MPP7: variants seen among roughly 807,000 people sequenced by gnomAD.
MPP7 encodes the protein MAGUK p55 subfamily member 7.
Under a neutral mutation model 76.5 loss-of-function variants are expected in MPP7, and 60 were observed. The observed-to-expected ratio is 0.78, with a 90% CI of 0.64 to 0.97. The LOEUF is 0.97. Ranked by LOEUF, MPP7 falls within the 50% of genes least tolerant of loss-of-function variation. MPP7 has a pLI of 0.00. For synonymous variants in MPP7, 237 were observed against 244.5 expected (o/e 0.97, Z 0.29); for missense variants, 641 against 694.0 (o/e 0.92, Z 0.86).
Position 28,167,725 on chromosome 10 carries a change from T to C in MPP7, c.157-17666A>G, listed in dbSNP as rs77779570. ...CTCAGATAAATTCTCATGAGAAGAA[T>C]TGCTGGGTCACAGGATATAAATATT... is the stretch of plus-strand genomic sequence containing the variant. On this transcript the variant is annotated intron_variant, in intron 3 of 16. Transcript: ENST00000683449. Among the ~76,000 whole-genome samples, 1,324 of 152,364 alleles carry C rather than the reference T, an allele frequency of 8.7e-3. 20 individuals are homozygous for C. The highest frequency in any genetic ancestry group is 0.054 in the East Asian group (279 of 5,190).
chr10:28,180,077 C>CA (rs1219011380), intron 3 of MPP7, among the ~76,000 whole-genome samples: 1 of 151,416 alleles, frequency 6.6e-6, no homozygotes, highest in Non-Finnish European at 1.5e-5. Flanking sequence ...TCAAGCCTTT[C>CA]AAAAAAAATA....
intron 3 of MPP7, among the ~76,000 whole-genome samples, chr10:28,195,140 A>C (rs1449762336): frequency 6.6e-6 from 1 of 152,238 alleles, no homozygotes; most frequent in Non-Finnish European, 1.5e-5. Context: ...ACATGAAAAG[A>C]TGGTTAACAT....
chr10:28,269,349 CT>C (rs1840247649), intron 1 of MPP7, among the ~76,000 whole-genome samples: 1 of 152,158 alleles, frequency 6.6e-6, no homozygotes, highest in South Asian at 2.1e-4. Context: ...CAATTCTCTT[CT>C]AATCTAGTCC....
intron 2 of MPP7, among the ~76,000 whole-genome samples, chr10:28,207,532 G>C (rs1837987881): frequency 6.6e-6 from 1 of 151,628 alleles, no homozygotes; most frequent in Non-Finnish European, 1.5e-5. Context: ...AAAAATTTAA[G>C]AAATTACCCG....
At chr10:28,283,697 T>C (rs1418094715) in intron 1 of MPP7, among the ~76,000 whole-genome samples, 1 of 151,988 alleles carries the variant, frequency 6.6e-6, no homozygotes, top group African/African-American at 2.4e-5. Context: ...GTATTTTTAG[T>C]AGAGACGAGG....
chr10:28,240,231 C>CA (rs1426785960), intron 1 of MPP7, among the ~76,000 whole-genome samples: 4 of 151,898 alleles, frequency 2.6e-5, no homozygotes, highest in South Asian at 4.2e-4. Context: ...TTAACAACAA[C>CA]AAAAAAACAT....
chr10:28,135,583 T>C (rs745618606), intron 5 of MPP7, among the ~76,000 whole-genome samples: 44 of 152,252 alleles, frequency 2.9e-4, no homozygotes, highest in Non-Finnish European at 5.0e-4. Flanking sequence ...AATTCTAAGG[T>C]TGAGAAACTG....
rs372271344 is a variant in MPP7 at position 28,077,941 on chromosome 10, A to G, written c.1124-8089T>C. Among the ~76,000 whole-genome samples the G allele has an allele frequency of 4.6e-5, 7 of 152,270 alleles. No individual in the cohort carries two copies. In the East Asian group the frequency reaches 9.7e-4, roughly 21 times the overall value. On this transcript the variant is annotated intron_variant, in intron 12 of 16. Coordinates refer to ENST00000683449, the MANE Select transcript of MPP7 (RefSeq NM_001318170.2). Reference sequence around the variant, plus strand: ...ACATGGTTCACATACACTGTTACTCATCCTCAGAACATCCCTGCAAGAAAG... The same window carrying G: ...ACATGGTTCACATACACTGTTACTCGTCCTCAGAACATCCCTGCAAGAAAG...
In MPP7 at chr10:28,303,019, C is replaced by A. The variant is rs1192509361; in HGVS notation, c.-290G>T. ...CCGCGGCGGGCGCAGAACGCACGAG[C>A]CCAGTGGGAGCCCGGCCCCCGCCTC... On this transcript the variant is annotated 5_prime_UTR_variant, in exon 1 of 17. Coordinates refer to ENST00000683449, the MANE Select transcript of MPP7 (RefSeq NM_001318170.2). 6.6e-6 allele frequency among the ~76,000 whole-genome samples: 1 copy of A among 152,056 alleles called. No homozygotes were observed. Among genetic ancestry groups the A allele is most frequent in the Admixed American group, 6.5e-5 (1 of 15,280 alleles).
At position 28,149,967 on chromosome 10, in the gene MPP7, G is replaced by A; in HGVS notation, c.234+15C>T. 6.2e-7 allele frequency: 1 copy of A among 1,608,702 alleles called. No individual in the cohort carries two copies. Among genetic ancestry groups the A allele is most frequent in the Non-Finnish European group, 8.5e-7 (1 of 1,176,468 alleles). On this transcript the variant is annotated intron_variant, in intron 4 of 16. Coordinates refer to ENST00000683449, the MANE Select transcript of MPP7 (RefSeq NM_001318170.2). ...CAGCAGACACATCCCAGTGAGCTCG[G>A]AGAGTCACACTTACATCATCGGCCA...
chr10:28,257,322 T>A (rs1839816512), intron 1 of MPP7, among the ~76,000 whole-genome samples: 1 of 152,116 alleles, frequency 6.6e-6, no homozygotes, highest in Non-Finnish European at 1.5e-5. Flanking sequence ...TCTTTAATTA[T>A]GATAAGGAAA....
chr10:28,074,332 C>G (rs924175207), intron 12 of MPP7, among the ~76,000 whole-genome samples: 2 of 151,736 alleles, frequency 1.3e-5, no homozygotes, highest in Non-Finnish European at 2.9e-5. Context: ...CAGTCTCACT[C>G]TGCTTCCCAG....
chr10:28,087,675 C>A (rs1853085445), intron 12 of MPP7, among the ~76,000 whole-genome samples: 1 of 152,208 alleles, frequency 6.6e-6, no homozygotes, highest in Non-Finnish European at 1.5e-5. Context: ...GGATTACAGG[C>A]ATGAGCCACT....
At chr10:28,249,756 C>T (rs1209380229) in intron 1 of MPP7, among the ~76,000 whole-genome samples, 1 of 152,174 alleles carries the variant, frequency 6.6e-6, no homozygotes, top group Admixed American at 6.5e-5. Flanking sequence ...CAAACTTCTG[C>T]TGACCTGGGC....
At chr10:28,260,481 A>G (rs2132928533) in intron 1 of MPP7, among the ~76,000 whole-genome samples, 1 of 152,230 alleles carries the variant, frequency 6.6e-6, no homozygotes, top group East Asian at 1.9e-4. Context: ...CTAACCAAAT[A>G]GTATGTTTCT....
Position 28,052,611 on chromosome 10 carries a change from T to G in MPP7, c.*1454A>C, listed in dbSNP as rs965965520. ...TGTTGACCATGATTTATAAAACTAC[T>G]CTTTTAAATTAGGACATCTTGACAT... On this transcript the variant is annotated 3_prime_UTR_variant, in exon 17 of 17. Coordinates refer to ENST00000683449, the MANE Select transcript of MPP7 (RefSeq NM_001318170.2). The G allele has an allele frequency of 6.5e-6, 1 of 152,672 alleles. No individual in the cohort carries two copies. Among genetic ancestry groups the G allele is most frequent in the East Asian group, 1.9e-4 (1 of 5,208 alleles). The allele number at this position is 152,672 out of a possible 1,614,324, so 9.5% of individuals were successfully genotyped here. A position where few individuals can be genotyped will look rare whatever the true frequency, so the allele number is the denominator to read the frequency against.
At chr10:28,078,897 A>T (rs1231010401) in intron 12 of MPP7, among the ~76,000 whole-genome samples, 2 of 152,234 alleles carry the variant, frequency 1.3e-5, no homozygotes, top group Non-Finnish European at 2.9e-5. Flanking sequence ...AAATGTTAAT[A>T]CAATTTCTAT....
intron 9 of MPP7, 77 bp from the exon 10 acceptor site, chr10:28,120,467 C>T (rs1157177335): frequency 6.7e-7 from 1 of 1,487,420 alleles, no homozygotes; most frequent in Non-Finnish European, 9.3e-7. Context: ...CTAACTCCGA[C>T]TCCAAACATA....
At chr10:28,146,386 GT>G (rs1000265081) in intron 5 of MPP7, among the ~76,000 whole-genome samples, 16 of 139,780 alleles carry the variant, frequency 1.1e-4, no homozygotes, top group African/African-American at 1.8e-4. Context: ...GTCCACGCAT[GT>G]TTTTTTTTTG....
Sources: gnomAD v4.1 joint callset for allele counts (sites outside exome capture counted in the v4.1 genomes callset) on GRCh38, gnomAD v4.1.1 for gene constraint, MANE v1.5 for transcripts, NCBI Gene and HGNC (gene_info 2026-07-23, HGNC 2026-07-21) for gene names.